Variants in LINGO2 observed in about 807,000 individuals in gnomAD.
LINGO2 encodes leucine rich repeat and Ig domain containing 2.
In LINGO2, 14 loss-of-function variants were observed where a neutral mutation model predicts 30.6. The observed-to-expected ratio is 0.46, with a 90% CI of 0.30 to 0.72. The LOEUF (loss-of-function observed/expected upper bound fraction) is 0.72. Ranked by LOEUF, LINGO2 falls within the 30% of genes least tolerant of loss-of-function variation. The pLI is 0.07. For synonymous variants in LINGO2, 317 were observed against 288.5 expected (o/e 1.10, Z -1.00); for missense variants, 729 against 751.7 (o/e 0.97, Z 0.35).
chr9:29,069,197 T>C, the LINGO2 span, among the ~76,000 whole-genome samples: 3 of 151,960 alleles, frequency 2.0e-5, no homozygotes, highest in Non-Finnish European at 4.4e-5. Context: ...GGTTCTCCTA[T>C]TGCTCCAGAA....
the LINGO2 span, among the ~76,000 whole-genome samples, chr9:28,737,908 T>C: frequency 6.6e-6 from 1 of 152,150 alleles, no homozygotes; most frequent in Non-Finnish European, 1.5e-5. Flanking sequence ...GGGAAGTTTT[T>C]ATGGATATAT....
At chr9:28,230,400 T>G (rs1023399646) in intron 4 of LINGO2, among the ~76,000 whole-genome samples, 3 of 151,876 alleles carry the variant, frequency 2.0e-5, no homozygotes, top group African/African-American at 7.2e-5. Flanking sequence ...CATGAAACTA[T>G]GATATCAGGT....
chr9:29,082,018 G>C, the LINGO2 span, among the ~76,000 whole-genome samples: 1 of 152,074 alleles, frequency 6.6e-6, no homozygotes, highest in Non-Finnish European at 1.5e-5. Context: ...GTAATTTACA[G>C]ATTCAATGCC....
intron 4 of LINGO2, among the ~76,000 whole-genome samples, chr9:28,076,648 G>A (rs889875796): frequency 6.6e-6 from 1 of 151,674 alleles, no homozygotes; most frequent in African/African-American, 2.4e-5. Context: ...GGAAGTTAAG[G>A]TCTTTTGCTG....
At chr9:28,240,624 T>A (rs376736449) in intron 4 of LINGO2, among the ~76,000 whole-genome samples, 1 of 152,152 alleles carries the variant, frequency 6.6e-6, no homozygotes. Flanking sequence ...CCATCTCTTA[T>A]CTTATGCAAA....
At position 28,179,777 on chromosome 9, in the gene LINGO2, T is replaced by C. The variant is rs538766091; in HGVS notation, c.-87+115431A>G. On this transcript the variant is annotated intron_variant, in intron 4 of 5. Transcript: ENST00000379992. ...TTACAAAAACAGGCAAAAATCTAGA[T>C]TTGCAACATGTTACTCATTTTGTTT... is the stretch of plus-strand genomic sequence containing the variant. Among the ~76,000 whole-genome samples, 3 of 150,470 alleles carry C rather than the reference T, an allele frequency of 2.0e-5. No homozygotes were observed. The South Asian group carries it at 6.3e-4, about 31-fold the overall frequency.
At chr9:28,256,936 A>G (rs1822401105) in intron 4 of LINGO2, among the ~76,000 whole-genome samples, 1 of 151,984 alleles carries the variant, frequency 6.6e-6, no homozygotes, top group African/African-American at 2.4e-5. Flanking sequence ...GCTGCTATGT[A>G]CAATTTTTAT....
intron 4 of LINGO2, among the ~76,000 whole-genome samples, chr9:28,242,697 G>GA (rs1423199503): frequency 6.6e-6 from 1 of 152,066 alleles, no homozygotes; most frequent in Non-Finnish European, 1.5e-5. Context: ...TTGAAATGAG[G>GA]AAAAAATGTT....
At chr9:28,321,654 G>A (rs1301486108) in intron 3 of LINGO2, among the ~76,000 whole-genome samples, 1 of 152,164 alleles carries the variant, frequency 6.6e-6, no homozygotes, top group Non-Finnish European at 1.5e-5. Flanking sequence ...ATAGGGCCAA[G>A]AAACAGAGAC....
the LINGO2 span, among the ~76,000 whole-genome samples, chr9:29,155,385 C>G: frequency 6.6e-6 from 1 of 151,980 alleles, no homozygotes; most frequent in Non-Finnish European, 1.5e-5. Flanking sequence ...CTTTTCTAGT[C>G]ATTTTTAAAA....
intron 1 of LINGO2, among the ~76,000 whole-genome samples, chr9:28,653,694 C>T (rs763378459): frequency 2.0e-5 from 3 of 152,116 alleles, no homozygotes; most frequent in Non-Finnish European, 4.4e-5. Context: ...ATCTTTATCT[C>T]CATACCTTCA....
At chr9:29,110,760 G>C in the LINGO2 span, among the ~76,000 whole-genome samples, 3 of 151,286 alleles carry the variant, frequency 2.0e-5, no homozygotes, top group African/African-American at 7.3e-5. Flanking sequence ...GTGCGATCTC[G>C]GCTCACTGCA....
the LINGO2 span, among the ~76,000 whole-genome samples, chr9:28,931,629 G>A: frequency 2.0e-5 from 3 of 152,116 alleles, no homozygotes; most frequent in Non-Finnish European, 2.9e-5. Flanking sequence ...TTTTCATAGA[G>A]GCATCGTACA....
At chr9:28,919,503 C>T in the LINGO2 span, among the ~76,000 whole-genome samples, 1 of 152,114 alleles carries the variant, frequency 6.6e-6, no homozygotes, top group Non-Finnish European at 1.5e-5. Context: ...TGTCCTGGTT[C>T]AGCAGCACAC....
the LINGO2 span, among the ~76,000 whole-genome samples, chr9:29,067,770 A>T: frequency 7.2e-6 from 1 of 139,554 alleles, no homozygotes; most frequent in East Asian, 2.1e-4. Context: ...AAAAAAAAAA[A>T]CCCACTAGGG....
chr9:28,817,512 A>C, the LINGO2 span, among the ~76,000 whole-genome samples: 1 of 152,198 alleles, frequency 6.6e-6, no homozygotes, highest in Non-Finnish European at 1.5e-5. Context: ...AGCTTTGTCC[A>C]CATGGCAAAA....
intron 4 of LINGO2, among the ~76,000 whole-genome samples, chr9:28,211,287 CTT>C (rs202167511): frequency 3.0e-4 from 42 of 140,126 alleles, no homozygotes; most frequent in African/African-American, 3.1e-4. Flanking sequence ...CTCCAAATTC[CTT>C]TTTTTTTTTT....
chr9:28,552,508 T>C (rs913475526), intron 1 of LINGO2, among the ~76,000 whole-genome samples: 29 of 152,056 alleles, frequency 1.9e-4, no homozygotes, highest in African/African-American at 6.3e-4. Context: ...TTCCTTTCTT[T>C]GTATCCAGGG....
intron 2 of LINGO2, among the ~76,000 whole-genome samples, chr9:28,398,741 CTT>C (rs1226309459): frequency 6.6e-6 from 1 of 151,908 alleles, no homozygotes; most frequent in Non-Finnish European, 1.5e-5. Flanking sequence ...GGCTCTATAA[CTT>C]ATATAATTTT....
Sources: allele counts gnomAD v4.1 joint callset (sites outside exome capture counted in the v4.1 genomes callset), GRCh38; gene constraint gnomAD v4.1.1; transcripts MANE v1.5; gene names NCBI Gene and HGNC (gene_info 2026-07-23, HGNC 2026-07-21).